The following LINGO1 variants were observed in gnomAD, a reference collection of about 807,000 sequenced individuals.
LINGO1 encodes leucine-rich repeat and immunoglobulin-like domain-containing nogo receptor-interacting protein 1.
Under a neutral mutation model 37.3 loss-of-function variants are expected in LINGO1, and 11 were observed. The ratio of observed to expected loss-of-function variants is 0.29; its 90% CI spans 0.19 to 0.49. The LOEUF (loss-of-function observed/expected upper bound fraction) is 0.49. LINGO1 is among the 20% of genes least tolerant of loss of function. LINGO1 has a pLI of 0.99. For missense variants in LINGO1, 585 were observed against 878.2 expected (o/e 0.67, Z 4.22); for synonymous variants, 387 against 403.0 (o/e 0.96, Z 0.48).
chr15:77,722,992 C>T (rs2076065811), intron 2 of LINGO1, among the ~76,000 whole-genome samples: 1 of 152,218 alleles, frequency 6.6e-6, no homozygotes, highest in African/African-American at 2.4e-5. Context: ...AGAGTGGAGA[C>T]AGACAGGTCG....
intron 1 of LINGO1, among the ~76,000 whole-genome samples, chr15:77,762,621 G>A (rs931577647): frequency 1.3e-5 from 2 of 152,166 alleles, no homozygotes; most frequent in African/African-American, 4.8e-5. Context: ...CACAGGGGTC[G>A]AGGCTTTGAA....
chr15:77,644,145 G>A lies in LINGO1; in HGVS notation c.-12-28245C>T, dbSNP rs78413969. On this transcript the variant is annotated intron_variant, in intron 3 of 3. Transcript: ENST00000559893. ...ACGCTGGGGAGTTTAGGAAGGATAC[G>A]TAGCTGTGTTGTGTTGTCGAACTCT... Among the ~76,000 whole-genome samples, 1,279 of 152,340 alleles carry A rather than the reference G, an allele frequency of 8.4e-3. 5 individuals are homozygous for A. The highest frequency in any genetic ancestry group is 0.027 in the African/African-American group (1,140 of 41,568).
chr15:77,655,187 G>A (rs537106788), intron 3 of LINGO1, among the ~76,000 whole-genome samples: 1 of 152,310 alleles, frequency 6.6e-6, no homozygotes, highest in East Asian at 1.9e-4. Flanking sequence ...GGGTCGGGAG[G>A]GAACTTCCTG....
intron 2 of LINGO1, among the ~76,000 whole-genome samples, chr15:77,726,630 AC>A (rs1381894547): frequency 1.3e-5 from 2 of 152,236 alleles, no homozygotes; most frequent in African/African-American, 4.8e-5. Context: ...AAAACCTGAA[AC>A]TATACCACTC....
intron 1 of LINGO1, among the ~76,000 whole-genome samples, chr15:77,751,822 G>A (rs183473175): frequency 3.9e-5 from 6 of 152,304 alleles, no homozygotes; most frequent in Admixed American, 3.3e-4. Flanking sequence ...GGATACTTGA[G>A]CTCTAGATGA....
chr15:77,629,409 C>A (rs1374691901), intron 1 of LINGO1, among the ~76,000 whole-genome samples: 2 of 152,182 alleles, frequency 1.3e-5, no homozygotes, highest in African/African-American at 4.8e-5. Context: ...CTACAAAGAA[C>A]CTTCCCTGAT....
upstream of LINGO1, among the ~76,000 whole-genome samples, chr15:77,701,199 A>G (rs2075778045): frequency 1.3e-5 from 2 of 152,176 alleles, no homozygotes; most frequent in South Asian, 4.1e-4. Context: ...TGAAAGGTGA[A>G]TGACACAGGA....
chr15:77,738,393 T>C (rs186327007), intron 1 of LINGO1, among the ~76,000 whole-genome samples: 213 of 152,280 alleles, frequency 1.4e-3, no homozygotes, highest in South Asian at 0.012. Context: ...TCCACCATAA[T>C]TGGCCTCCTT....
upstream of LINGO1, among the ~76,000 whole-genome samples, chr15:77,638,104 G>C (rs2074430210): frequency 6.6e-6 from 1 of 152,238 alleles, no homozygotes; most frequent in South Asian, 2.1e-4. Flanking sequence ...AAGCCCAAAG[G>C]CTCTTGGAGA....
chr15:77,745,972 G>C (rs2076310386), intron 1 of LINGO1, among the ~76,000 whole-genome samples: 1 of 151,862 alleles, frequency 6.6e-6, no homozygotes, highest in African/African-American at 2.4e-5. Flanking sequence ...GCTCACATCT[G>C]CAATCTCAGC....
upstream of LINGO1, among the ~76,000 whole-genome samples, chr15:77,639,198 A>G (rs1036517811): frequency 2.6e-5 from 4 of 152,090 alleles, no homozygotes; most frequent in Non-Finnish European, 5.9e-5. Context: ...AGAGGCCCTG[A>G]GCTAGAGGTA....
intron 3 of LINGO1, among the ~76,000 whole-genome samples, chr15:77,656,716 GC>G (rs1349511483): frequency 2.6e-5 from 4 of 152,144 alleles, no homozygotes; most frequent in African/African-American, 9.7e-5. Context: ...TTCAGAAGCT[GC>G]CCCCAGTGTG....
chr15:77,623,461 G>A (rs1215047008), intron 1 of LINGO1, among the ~76,000 whole-genome samples: 3 of 152,248 alleles, frequency 2.0e-5, no homozygotes, highest in Non-Finnish European at 4.4e-5. Flanking sequence ...ATGGCATAAG[G>A]TAGGAGCTGC....
chr15:77,698,094 T>C (rs1369628374), upstream of LINGO1, among the ~76,000 whole-genome samples: 1 of 151,924 alleles, frequency 6.6e-6, no homozygotes, highest in Non-Finnish European at 1.5e-5. Context: ...GAGTTAGGAA[T>C]GAGGCAGTGG....
intron 3 of LINGO1, among the ~76,000 whole-genome samples, chr15:77,659,257 A>T (rs1305603250): frequency 6.6e-6 from 1 of 152,100 alleles, no homozygotes; most frequent in African/African-American, 2.4e-5. Context: ...TCCCCAGAAC[A>T]CCATGCACCA....
chr15:77,623,574 C>T (rs1324214085), intron 1 of LINGO1, among the ~76,000 whole-genome samples: 1 of 152,196 alleles, frequency 6.6e-6, no homozygotes, highest in African/African-American at 2.4e-5. Flanking sequence ...AGTCCTGCGC[C>T]CAGGCTGAGC....
At position 77,643,162 on chromosome 15, in the gene LINGO1, G is replaced by A. The variant is rs77124612; in HGVS notation, c.-12-27262C>T. Among the ~76,000 whole-genome samples, 40 of 152,344 alleles carry A rather than the reference G, an allele frequency of 2.6e-4. No individual in the cohort carries two copies. The East Asian group carries it at 7.7e-3, about 29-fold the overall frequency. ...TCTGTCACCCGCTTATCAGGGTGAG[G>A]GCAGCTGGGGCTGGCACTTACAGTA... On this transcript the variant is annotated intron_variant, in intron 3 of 3. Transcript: ENST00000559893.
intron 1 of LINGO1, among the ~76,000 whole-genome samples, chr15:77,777,456 TACACACACGC>T (rs929208661): frequency 8.8e-5 from 6 of 68,216 alleles, no homozygotes; most frequent in African/African-American, 2.5e-4. Context: ...TTTGGACATA[TACACACACGC>T]ACACACACAC....
chr15:77,777,943 G>GGAAGGAAT (rs2076677931), intron 1 of LINGO1, among the ~76,000 whole-genome samples: 1 of 148,778 alleles, frequency 6.7e-6, no homozygotes, highest in African/African-American at 2.5e-5. Flanking sequence ...GAGGAAGGAA[G>GGAAGGAAT]GAAGGAATGA....
Sources: allele counts gnomAD v4.1 joint callset (sites outside exome capture counted in the v4.1 genomes callset), GRCh38; gene constraint gnomAD v4.1.1; transcripts MANE v1.5; gene names NCBI Gene and HGNC (gene_info 2026-07-23, HGNC 2026-07-21).